Variants in PTPRM observed in about 807,000 individuals in gnomAD.
PTPRM encodes protein tyrosine phosphatase receptor type M, also known as receptor-type tyrosine-protein phosphatase mu.
Under a neutral mutation model 186.7 loss-of-function variants are expected in PTPRM, and 47 were observed. The ratio of observed to expected loss-of-function variants is 0.25; its 90% CI spans 0.20 to 0.32. The LOEUF (loss-of-function observed/expected upper bound fraction) is 0.32. Ranked by LOEUF, PTPRM falls within the 10% of genes least tolerant of loss-of-function variation. The pLI is 1.00. For missense variants in PTPRM, 1,494 were observed against 1,865.0 expected, an observed-to-expected ratio of 0.80 and a Z score of 3.66; for synonymous variants, 668 against 674.9, an observed-to-expected ratio of 0.99 and a Z score of 0.16.
At chr18:7,946,076 C>T (rs2052504050) in intron 5 of PTPRM, among the ~76,000 whole-genome samples, 1 of 152,088 alleles carries the variant, frequency 6.6e-6, no homozygotes, top group Admixed American at 6.5e-5. Flanking sequence ...GCTCCTAGTC[C>T]GAGGCTGTTT....
At chr18:7,929,131 A>T (rs555434820) in intron 5 of PTPRM, among the ~76,000 whole-genome samples, 2 of 152,256 alleles carry the variant, frequency 1.3e-5, no homozygotes, top group African/African-American at 4.8e-5. Context: ...AGACTCTCCA[A>T]GTGATTCCAG....
At chr18:8,197,372 A>AT (rs1468654513) in intron 14 of PTPRM, among the ~76,000 whole-genome samples, 1 of 152,222 alleles carries the variant, frequency 6.6e-6, no homozygotes, top group Non-Finnish European at 1.5e-5. Flanking sequence ...TTACATACAA[A>AT]TTTCAATGTG....
rs778667608 is a variant in PTPRM, at chr18:8,406,326, C to T, written c.*164C>T. ...AGTGTTTCTAAAATTGCTTGCACTG[C>T]CCAATCCCAGTAATGCTGCTGCCTG... On this transcript the variant is annotated 3_prime_UTR_variant, in exon 33 of 33. Coordinates refer to ENST00000580170, the MANE Select transcript of PTPRM (RefSeq NM_001105244.2). 1.7e-4 allele frequency: 107 copies of T among 640,030 alleles called. No individual in the cohort carries two copies. Among genetic ancestry groups the T allele is most frequent in the Non-Finnish European group, 2.5e-4 (94 of 373,360 alleles). 39.6% of individuals were successfully genotyped at this position (640,030 alleles called of 1,614,324 possible).
intron 2 of PTPRM, among the ~76,000 whole-genome samples, chr18:7,841,865 A>G (rs2046342728): frequency 6.6e-6 from 1 of 152,226 alleles, no homozygotes; most frequent in African/African-American, 2.4e-5. Flanking sequence ...TAAAAGTGCT[A>G]GAACAAAACA....
chr18:8,133,443 A>C (rs947312750), intron 13 of PTPRM, among the ~76,000 whole-genome samples: 4 of 152,202 alleles, frequency 2.6e-5, no homozygotes, highest in Admixed American at 2.0e-4. Flanking sequence ...TATGACATAA[A>C]GATTTACCAA....
At chr18:7,783,750 G>T (rs1016588802) in intron 2 of PTPRM, among the ~76,000 whole-genome samples, 1 of 136,252 alleles carries the variant, frequency 7.3e-6, no homozygotes, top group Non-Finnish European at 1.6e-5. Flanking sequence ...TTTTAATTTT[G>T]TGTGTGTGTG....
At position 8,085,689 on chromosome 18, in the gene PTPRM, A is replaced by C. The variant is rs1323088531; in HGVS notation, c.1570A>C (p.Ser524Arg). 1 of 1,605,934 alleles carries C rather than the reference A, an allele frequency of 6.2e-7. No individual in the cohort carries two copies. The highest frequency in any genetic ancestry group is 1.7e-4 in the Middle Eastern group (1 of 6,040). ...TLYEITYKAV[S>R]SFDPEIDLSN... ...TTTGCAGATCACCTACAAAGCAGTCAGTTCCTTTGACCCAGAAATAGATTT... is the reference window on the plus strand; with the variant it reads ...TTTGCAGATCACCTACAAAGCAGTCCGTTCCTTTGACCCAGAAATAGATTT... Residue 524 changes from serine to arginine, a missense_variant, in exon 10 of 33, where the codon AGT becomes CGT. Coordinates refer to ENST00000580170, the MANE Select transcript of PTPRM (RefSeq NM_001105244.2).
At chr18:7,574,142 T>G (rs772336941) in intron 1 of PTPRM, among the ~76,000 whole-genome samples, 4 of 152,090 alleles carry the variant, frequency 2.6e-5, no homozygotes, top group Non-Finnish European at 5.9e-5. Context: ...GAACTGGGGG[T>G]AAAAATATCA....
intron 1 of PTPRM, among the ~76,000 whole-genome samples, chr18:7,682,847 C>T (rs1297049878): frequency 1.3e-5 from 2 of 152,032 alleles, no homozygotes; most frequent in Admixed American, 1.3e-4. Context: ...TGGGGGGGTG[C>T]AAGTTATGCT....
At chr18:8,341,402 A>C (rs1355626805) in intron 22 of PTPRM, among the ~76,000 whole-genome samples, 1 of 152,212 alleles carries the variant, frequency 6.6e-6, no homozygotes, top group Non-Finnish European at 1.5e-5. Context: ...AAGAAGGCTG[A>C]GTTCCCCTCC....
Position 8,188,970 on chromosome 18 carries a change from T to C in PTPRM, c.2300+45191T>C, listed in dbSNP as rs536122797. Among the ~76,000 whole-genome samples the C allele has an allele frequency of 1.3e-4, 20 of 152,348 alleles. No individual in the cohort carries two copies. In the South Asian group the frequency reaches 4.1e-3, roughly 32 times the overall value. ...TTTTCAGAAAATACTTTTCCAAAGA[T>C]GGCTGAGTATAAATTATTTTTGTAT... On this transcript the variant is annotated intron_variant, in intron 14 of 32. Coordinates refer to ENST00000580170, the MANE Select transcript of PTPRM (RefSeq NM_001105244.2).
chr18:7,829,100 C>G (rs2045635298), intron 2 of PTPRM, among the ~76,000 whole-genome samples: 1 of 152,036 alleles, frequency 6.6e-6, no homozygotes, highest in Admixed American at 6.5e-5. Flanking sequence ...GCCATTTGGA[C>G]TATCTGCATC....
At chr18:8,275,950 A>G (rs182816340) in intron 19 of PTPRM, among the ~76,000 whole-genome samples, 1 of 151,390 alleles carries the variant, frequency 6.6e-6, no homozygotes, top group Non-Finnish European at 1.5e-5. Context: ...GCTCCATCCT[A>G]CCTCTCTTGT....
chr18:7,586,140 C>T lies in PTPRM; in HGVS notation c.73+18249C>T, dbSNP rs1469772319. ...AGAGCTGAGATTTGAACATTATCAG[C>T]TTGATCCTTTCAGCCACTAACCTAC... is the stretch of plus-strand genomic sequence containing the variant. On this transcript the variant is annotated intron_variant, in intron 1 of 32. Transcript: ENST00000580170. Among the ~76,000 whole-genome samples the T allele has an allele frequency of 3.3e-5, 5 of 152,332 alleles. No homozygotes were observed. The East Asian group carries it at 9.6e-4, about 29-fold the overall frequency.
At chr18:7,572,531 T>C (rs144978307) in intron 1 of PTPRM, among the ~76,000 whole-genome samples, 1,547 of 152,238 alleles carry the variant, frequency 0.01, 8 homozygotes, top group Middle Eastern at 0.017. Context: ...TAAATATTGT[T>C]TTCTTTCAAT....
At chr18:8,389,232 C>T (rs1289639744) in intron 31 of PTPRM, among the ~76,000 whole-genome samples, 5 of 152,166 alleles carry the variant, frequency 3.3e-5, no homozygotes, top group Admixed American at 3.3e-4. Context: ...ATGTATAATG[C>T]ATCGCTCCCC....
At position 7,924,315 on chromosome 18, in the gene PTPRM, T is replaced by G. The variant is rs188024816; in HGVS notation, c.548-2253T>G. 2.0e-3 allele frequency among the ~76,000 whole-genome samples: 302 copies of G among 152,320 alleles called. 2 individuals carry two copies. Among genetic ancestry groups the G allele is most frequent in the African/African-American group, 7.1e-3 (295 of 41,574 alleles). On this transcript the variant is annotated intron_variant, in intron 4 of 32. Coordinates refer to ENST00000580170, the MANE Select transcript of PTPRM (RefSeq NM_001105244.2). ...CTTAGAATTATTTCATTGGGGAATT[T>G]TTTTTAATGTTTCCAGTTAATGACA...
chr18:8,074,286 T>C (rs895508381), intron 8 of PTPRM, among the ~76,000 whole-genome samples: 1 of 152,250 alleles, frequency 6.6e-6, no homozygotes, highest in Non-Finnish European at 1.5e-5. Flanking sequence ...TATTGAGATA[T>C]GTTTGTCCAT....
At chr18:8,133,690 C>T (rs550672) in intron 13 of PTPRM, among the ~76,000 whole-genome samples, 141,130 of 152,168 alleles carry the variant, frequency 0.93, 65,519 homozygotes, top group Admixed American at 0.95. Flanking sequence ...TTTGGGGAAA[C>T]TGGGCATTTC....
Sources: allele counts gnomAD v4.1 joint callset (sites outside exome capture counted in the v4.1 genomes callset), GRCh38; gene constraint gnomAD v4.1.1; transcripts MANE v1.5; gene names NCBI Gene and HGNC (gene_info 2026-07-23, HGNC 2026-07-21).